TP53BP2: variants seen among roughly 807,000 people sequenced by gnomAD.
TP53BP2 encodes tumor protein p53 binding protein 2, also known as apoptosis-stimulating of p53 protein 2.
A neutral mutation model predicts 126.2 loss-of-function variants in TP53BP2; 62 were observed. That is an observed-to-expected ratio of 0.49 (90% confidence interval 0.40 to 0.61). The LOEUF is 0.61. TP53BP2 is among the 20% of genes least tolerant of loss of function. TP53BP2 has a pLI of 0.00. For synonymous variants in TP53BP2, 485 were observed against 502.9 expected (o/e 0.96, Z 0.48); for missense variants, 1,215 against 1,402.8 (o/e 0.87, Z 2.14).
intron 1 of TP53BP2, among the ~76,000 whole-genome samples, chr1:223,842,515 C>G (rs1188044419): frequency 6.6e-6 from 1 of 152,180 alleles, no homozygotes; most frequent in Non-Finnish European, 1.5e-5. Flanking sequence ...CAGGCAAATT[C>G]AAGCCTTCTG....
intron 1 of TP53BP2, among the ~76,000 whole-genome samples, chr1:223,822,209 C>T (rs766699961): frequency 4.7e-5 from 7 of 149,040 alleles, no homozygotes; most frequent in Non-Finnish European, 1.0e-4. Flanking sequence ...CCACTGCGCC[C>T]GGCCAAAAAA....
At chr1:223,810,377 TA>T in intron 4 of TP53BP2, 53 bp downstream of exon 4, 2 of 1,319,534 alleles carry the variant, frequency 1.5e-6, no homozygotes, top group Non-Finnish European at 2.1e-6. Flanking sequence ...GATTTAAAGT[TA>T]AAAAATATGT....
intron 4 of TP53BP2, among the ~76,000 whole-genome samples, chr1:223,808,533 T>TC (rs1662800761): frequency 7.4e-6 from 1 of 134,480 alleles, no homozygotes. Context: ...AGAGTGAGAC[T>TC]CTGTATCAAA....
chr1:223,784,966 GA>G (rs1661903217), intron 16 of TP53BP2, among the ~76,000 whole-genome samples: 1 of 152,146 alleles, frequency 6.6e-6, no homozygotes, highest in Non-Finnish European at 1.5e-5. Context: ...AAAATCCTCA[GA>G]AGTCCACCTT....
At position 223,844,776 on chromosome 1, in the gene TP53BP2, ATAAAAG is replaced by A. The variant is rs1461123366; in HGVS notation, c.27+872_27+877del. Among the ~76,000 whole-genome samples, 5 of 152,214 alleles carry A rather than the reference ATAAAAG, an allele frequency of 3.3e-5. No homozygotes were observed. In the East Asian group the frequency reaches 5.8e-4, roughly 18 times the overall value. On this transcript the variant is annotated intron_variant, in intron 1 of 17. Coordinates refer to ENST00000343537, the MANE Select transcript of TP53BP2 (RefSeq NM_001031685.3). ...GTCATCACTCCATTCCACAGACTTC[ATAAAAG>A]TAAAAGCTTTTTGTTTCTTTGTCTG...
At chr1:223,823,089 T>C (rs1425305021) in intron 1 of TP53BP2, among the ~76,000 whole-genome samples, 2 of 152,108 alleles carry the variant, frequency 1.3e-5, no homozygotes, top group Admixed American at 6.5e-5. Flanking sequence ...TGGGAAAAGT[T>C]TGGGTTTTAA....
At chr1:223,795,574 C>G (rs1440121597) in intron 13 of TP53BP2, among the ~76,000 whole-genome samples, 1 of 152,172 alleles carries the variant, frequency 6.6e-6, no homozygotes, top group Non-Finnish European at 1.5e-5. Context: ...ACAGCAAATG[C>G]AGTGTTTATA....
chr1:223,814,370 G>A lies in TP53BP2; in HGVS notation c.176-17C>T, dbSNP rs1234475337. ...CTGGACGTTCTAAAGCAAATGAGTA[G>A]AAACCACATTATTTTCAGGTAAAAG... On this transcript the variant is annotated splice_polypyrimidine_tract_variant and intron_variant, in intron 2 of 17. Coordinates refer to ENST00000343537, the MANE Select transcript of TP53BP2 (RefSeq NM_001031685.3). The A allele has an allele frequency of 1.3e-6, 2 of 1,529,368 alleles. No homozygotes were observed. Among genetic ancestry groups the A allele is most frequent in the South Asian group, 1.1e-5 (1 of 88,724 alleles). 94.7% of individuals were successfully genotyped at this position (1,529,368 alleles called of 1,614,324 possible).
At chr1:223,782,637 G>C (rs1432640333) in intron 17 of TP53BP2, among the ~76,000 whole-genome samples, 5 of 152,068 alleles carry the variant, frequency 3.3e-5, no homozygotes. Flanking sequence ...ATTTTTAGTA[G>C]AGACAGGGTT....
intron 1 of TP53BP2, among the ~76,000 whole-genome samples, chr1:223,843,001 T>C (rs898249738): frequency 1.3e-5 from 2 of 152,186 alleles, no homozygotes; most frequent in Non-Finnish European, 2.9e-5. Flanking sequence ...ATTTCTGCAG[T>C]ACCCTATCAT....
chr1:223,781,190 A>C (rs1189917689), intron 17 of TP53BP2, among the ~76,000 whole-genome samples: 1 of 152,216 alleles, frequency 6.6e-6, no homozygotes, highest in African/African-American at 2.4e-5. Flanking sequence ...CAGCTTGTTG[A>C]GCTGTAAATC....
At position 223,798,232 on chromosome 1, in the gene TP53BP2, C is replaced by T. The variant is rs781730475; in HGVS notation, c.1931G>A (p.Gly644Glu). Reference sequence around the variant, plus strand: ...AACCTTACCACTTGAAAAGTGTGGCCCTCTGGTATGAGTCTTGGTCAACGC... The same window carrying T: ...AACCTTACCACTTGAAAAGTGTGGCTCTCTGGTATGAGTCTTGGTCAACGC... The part of the protein sequence containing the change: ...QSALTKTHTR[G>E]PHFSSVYGKP... The change falls in exon 12 of 18, where the codon GGG becomes GAG. Residue 644 changes from glycine (G) to glutamate (E), a missense_variant. Transcript: ENST00000343537. 7 of 1,613,438 alleles carry T rather than the reference C, an allele frequency of 4.3e-6. No homozygotes were observed. Among genetic ancestry groups the T allele is most frequent in the Non-Finnish European group, 5.9e-6 (7 of 1,179,610 alleles).
intron 2 of TP53BP2, among the ~76,000 whole-genome samples, chr1:223,814,774 CT>C (rs151183729): frequency 0.1 from 15,456 of 148,866 alleles, 888 homozygotes; most frequent in African/African-American, 0.16. Flanking sequence ...ATAGCCTAGT[CT>C]TTTTTTTTTA....
In TP53BP2 at chr1:223,802,725, A is replaced by G. The variant is rs776406904; in HGVS notation, c.996+6T>C. On this transcript the variant is annotated splice_donor_region_variant and intron_variant, in intron 8 of 17. Transcript: ENST00000343537. ...CCCCAAAACCATTACAAAACGGCCC[A>G]CTTACTGGTAGATTTTCTTTTTGCT... The G allele has an allele frequency of 2.7e-5, 43 of 1,613,840 alleles. No individual in the cohort carries two copies. Among genetic ancestry groups the G allele is most frequent in the Admixed American group, 8.3e-5 (5 of 59,984 alleles).
chr1:223,802,548 T>C (rs1167912488), intron 8 of TP53BP2, 183 bp downstream of exon 8: 2 of 864,062 alleles, frequency 2.3e-6, no homozygotes, highest in Middle Eastern at 3.6e-4. Context: ...CAAACAGAGC[T>C]ACACAGGTAA....
In TP53BP2 at chr1:223,796,013, T is replaced by A; in HGVS notation, c.2526A>T (p.Gly842=). Residue 842 remains glycine, a synonymous_variant, in exon 13 of 18, where the codon GGA becomes GGT. Transcript: ENST00000343537. This position sits in a 1 kb window ranked among gnomAD's most constrained non-coding sequence, Gnocchi z 4.2. ...PSPGLDYEPE[G]VPDNSPNLQN... is the part of the protein sequence containing the mutation. ...GGAGATTTGGGCTGTTGTCTGGGAC[T>A]CCCTCAGGCTCATAATCAAGGCCTG... The A allele has an allele frequency of 6.2e-7, 1 of 1,614,008 alleles. No individual in the cohort carries two copies. The highest frequency in any genetic ancestry group is 8.5e-7 in the Non-Finnish European group (1 of 1,179,924).
intron 3 of TP53BP2, among the ~76,000 whole-genome samples, chr1:223,811,564 C>G (rs1189895955): frequency 6.6e-6 from 1 of 152,118 alleles, no homozygotes; most frequent in Non-Finnish European, 1.5e-5. Flanking sequence ...AGAATAATTG[C>G]TTTCTTTGCT....
intron 4 of TP53BP2, among the ~76,000 whole-genome samples, chr1:223,808,597 A>G (rs886445520): frequency 3.9e-5 from 6 of 151,914 alleles, no homozygotes; most frequent in Admixed American, 3.9e-4. Context: ...CATTAACTCA[A>G]TAGGGATCAT....
intron 13 of TP53BP2, 43 bp from the exon 14 acceptor site, chr1:223,793,483 C>A: frequency 1.4e-6 from 2 of 1,472,330 alleles, no homozygotes; most frequent in Non-Finnish European, 1.8e-6. Flanking sequence ...CTCGTCTATG[C>A]AAGAGAACAA....
Sources: gnomAD v4.1 joint callset for allele counts (sites outside exome capture counted in the v4.1 genomes callset) on GRCh38, gnomAD v4.1.1 for gene constraint, Gnocchi (gnomAD v3.1) non-coding constraint, MANE v1.5 for transcripts, NCBI Gene and HGNC (gene_info 2026-07-23, HGNC 2026-07-21) for gene names.